The following ATP6V0A4 variants were observed in gnomAD, a reference collection of about 807,000 sequenced individuals.
ATP6V0A4 encodes the protein V-type proton ATPase 116 kDa subunit a 4.
In ATP6V0A4, 86 loss-of-function variants were observed where a neutral mutation model predicts 107.3. The ratio of observed to expected loss-of-function variants is 0.80; its 90% CI spans 0.67 to 0.96. ATP6V0A4 has a LOEUF of 0.96. Ranked by LOEUF, ATP6V0A4 falls within the 40% of genes least tolerant of loss-of-function variation. The probability of loss-of-function intolerance (pLI) is 0.00; values close to 1 mark genes in which losing one functional copy is unlikely to be tolerated. For missense variants in ATP6V0A4, 908 were observed against 1,045.6 expected, an observed-to-expected ratio of 0.87 and a Z score of 1.81; for synonymous variants, 353 against 381.4, an observed-to-expected ratio of 0.93 and a Z score of 0.87.
intron 3 of ATP6V0A4, among the ~76,000 whole-genome samples, chr7:138,770,125 T>A (rs945057465): frequency 7.9e-5 from 12 of 151,746 alleles, no homozygotes; most frequent in African/African-American, 2.9e-4. Context: ...CTTAACAGTG[T>A]CCTTTCACTT....
chr7:138,783,476 A>C (rs1405345800), intron 2 of ATP6V0A4, among the ~76,000 whole-genome samples: 1 of 152,190 alleles, frequency 6.6e-6, no homozygotes, highest in Non-Finnish European at 1.5e-5. Flanking sequence ...TCTGAATTCC[A>C]TCACTTTAGG....
intron 15 of ATP6V0A4, among the ~76,000 whole-genome samples, chr7:138,734,570 A>G (rs1352562289): frequency 7.2e-5 from 11 of 152,094 alleles, no homozygotes; most frequent in Admixed American, 6.6e-5. Context: ...TGAGCTCAGG[A>G]GTTCGAGACC....
chr7:138,724,249 T>C (rs934833074), intron 18 of ATP6V0A4, among the ~76,000 whole-genome samples: 1 of 151,644 alleles, frequency 6.6e-6, no homozygotes, highest in African/African-American at 2.4e-5. Flanking sequence ...AATAAATCTT[T>C]GTAAAAACTG....
chr7:138,778,153 T>G (rs1338685139), intron 2 of ATP6V0A4, among the ~76,000 whole-genome samples: 1 of 152,102 alleles, frequency 6.6e-6, no homozygotes, highest in Non-Finnish European at 1.5e-5. Flanking sequence ...GCAGGCAGAT[T>G]ACTTGAGGTC....
At chr7:138,759,601 A>G in intron 8 of ATP6V0A4, 151 bp downstream of exon 8, 2 of 860,138 alleles carry the variant, frequency 2.3e-6, no homozygotes, top group Non-Finnish European at 3.6e-6. Flanking sequence ...AAAAAGGAAC[A>G]AAGTAAAAGG....
intron 1 of ATP6V0A4, among the ~76,000 whole-genome samples, chr7:138,788,588 C>G (rs547236120): frequency 6.6e-6 from 1 of 152,316 alleles, no homozygotes; most frequent in Non-Finnish European, 1.5e-5. Flanking sequence ...ATACCAAACT[C>G]TATAATATCC....
chr7:138,797,893 C>A, intron 1 of ATP6V0A4, 141 bp downstream of exon 1: 1 of 1,255,632 alleles, frequency 8.0e-7, no homozygotes, highest in Non-Finnish European at 1.1e-6. Context: ...AACGGTTTGG[C>A]TTCCCTTCTA....
intron 4 of ATP6V0A4, 144 bp from the exon 5 acceptor site, chr7:138,769,018 C>A (rs1807232328): frequency 6.4e-7 from 1 of 1,563,960 alleles, no homozygotes; most frequent in East Asian, 2.3e-5. Flanking sequence ...GGATCCCACC[C>A]CCAACCTCCC....
intron 19 of ATP6V0A4, 111 bp from the exon 20 acceptor site, chr7:138,715,992 G>T: frequency 7.0e-7 from 1 of 1,429,310 alleles, no homozygotes; most frequent in Non-Finnish European, 9.7e-7. Flanking sequence ...GACACTTTCA[G>T]TCTAACTAGG....
chr7:138,796,137 TCTA>T (rs1808648158), intron 1 of ATP6V0A4, among the ~76,000 whole-genome samples: 1 of 152,156 alleles, frequency 6.6e-6, no homozygotes, highest in Admixed American at 6.5e-5. Context: ...CAGCATTTGT[TCTA>T]CTAAGCAGCG....
At chr7:138,728,153 A>ATAAATCAT (rs144846206) in intron 18 of ATP6V0A4, among the ~76,000 whole-genome samples, 43,667 of 151,862 alleles carry the variant, frequency 0.29, 6,540 homozygotes, top group Admixed American at 0.42. Context: ...TCAGACCCTT[A>ATAAATCAT]TAAATCATTA....
chr7:138,777,071 C>T (rs1470559296), intron 2 of ATP6V0A4, among the ~76,000 whole-genome samples: 1 of 151,656 alleles, frequency 6.6e-6, no homozygotes, highest in East Asian at 2.0e-4. Flanking sequence ...ATCGCTTGAA[C>T]CCGGGAAGTG....
chr7:138,769,314 T>A, intron 3 of ATP6V0A4, 63 bp from the exon 4 acceptor site: 2 of 842,540 alleles, frequency 2.4e-6, no homozygotes, highest in Non-Finnish European at 3.2e-6. Context: ...ATTTCTTTCT[T>A]TTTTTTTTTT....
intron 8 of ATP6V0A4, among the ~76,000 whole-genome samples, chr7:138,758,545 T>A (rs1806620324): frequency 6.6e-6 from 1 of 152,106 alleles, no homozygotes; most frequent in Non-Finnish European, 1.5e-5. Context: ...GTAAGTGGAT[T>A]AAATACAAAC....
intron 21 of ATP6V0A4, among the ~76,000 whole-genome samples, chr7:138,707,336 A>AATATATATATTATAATATATATTATATT (rs1803483815): frequency 3.0e-5 from 2 of 66,792 alleles, no homozygotes; most frequent in Non-Finnish European, 5.5e-5. Context: ...TTATATTTAT[A>AATATATATATTATAATATATATTATATT]ATATATATAT....
At chr7:138,789,115 G>A (rs1808286666) in intron 1 of ATP6V0A4, among the ~76,000 whole-genome samples, 1 of 152,046 alleles carries the variant, frequency 6.6e-6, no homozygotes, top group Admixed American at 6.6e-5. Flanking sequence ...GACCATCCGT[G>A]GATATGTCTG....
chr7:138,718,906 C>T (rs570309920), intron 19 of ATP6V0A4, among the ~76,000 whole-genome samples: 2 of 152,120 alleles, frequency 1.3e-5, no homozygotes, highest in South Asian at 4.2e-4. Flanking sequence ...TCATCTTGGC[C>T]AGGTGTGGTG....
chr7:138,709,806 C>A lies in ATP6V0A4; in HGVS notation c.2258-11G>T. 1 of 1,613,216 alleles carries A rather than the reference C, an allele frequency of 6.2e-7. No homozygotes were observed. The highest frequency in any genetic ancestry group is 1.1e-5 in the South Asian group (1 of 91,066). On this transcript the variant is annotated splice_polypyrimidine_tract_variant and intron_variant, in intron 20 of 21. Coordinates refer to ENST00000310018, the MANE Select transcript of ATP6V0A4 (RefSeq NM_020632.3). ...GCACTTCAGACAGTTCTGCAAGGTA[C>A]GAGAAACCACTGGGATTATCTTGTA...
At chr7:138,778,741 G>C (rs1006397844) in intron 2 of ATP6V0A4, among the ~76,000 whole-genome samples, 1 of 151,972 alleles carries the variant, frequency 6.6e-6, no homozygotes, top group African/African-American at 2.4e-5. Flanking sequence ...AGCCCAAGTG[G>C]GGAGCCTAGA....
Sources: gnomAD v4.1 joint callset for allele counts (sites outside exome capture counted in the v4.1 genomes callset) on GRCh38, gnomAD v4.1.1 for gene constraint, MANE v1.5 for transcripts, NCBI Gene and HGNC (gene_info 2026-07-23, HGNC 2026-07-21) for gene names.